The following CLDN16 variants were observed in gnomAD, a reference collection of about 807,000 sequenced individuals.
CLDN16 encodes the protein claudin 16.
In CLDN16, 13 loss-of-function variants were observed where a neutral mutation model predicts 24.6. The observed-to-expected ratio is 0.53, with a 90% confidence interval of 0.34 to 0.84. The LOEUF is 0.84. Among genes scored for constraint, CLDN16 ranks in the 40% least tolerant of loss-of-function variants. The pLI is 0.01. For missense variants in CLDN16, 298 were observed against 292.7 expected (o/e 1.02, Z -0.13); for synonymous variants, 116 against 106.7 (o/e 1.09, Z -0.54).
Position 190,411,834 on chromosome 3 carries a change from T to G in CLDN16, c.*1798T>G, listed in dbSNP as rs1719293776. ...TTTGCAAATCATACTCATTAGTTAT[T>G]TGATCATTGTTCTATGCATTTTAAA... On this transcript the variant is annotated 3_prime_UTR_variant, in exon 5 of 5. Transcript: ENST00000264734. 1 of 152,176 alleles carries G rather than the reference T, an allele frequency of 6.6e-6. No homozygotes were observed. Among genetic ancestry groups the G allele is most frequent in the Admixed American group, 6.5e-5 (1 of 15,284 alleles). 9.4% of individuals were successfully genotyped at this position (152,176 alleles called of 1,614,324 possible).
chr3:190,395,214 TCTA>T (rs1229080151), intron 1 of CLDN16, among the ~76,000 whole-genome samples: 1 of 152,104 alleles, frequency 6.6e-6, no homozygotes, highest in Non-Finnish European at 1.5e-5. Context: ...ATTTTATTTT[TCTA>T]CTAAGTTGGC....
At chr3:190,345,882 T>C (rs539231306) in intron 1 of CLDN16, among the ~76,000 whole-genome samples, 1 of 152,300 alleles carries the variant, frequency 6.6e-6, no homozygotes, top group South Asian at 2.1e-4. Flanking sequence ...GATTACATTG[T>C]ATTGAAATAA....
At chr3:190,388,752 C>T (rs1479309833) in intron 1 of CLDN16, among the ~76,000 whole-genome samples, 1 of 152,132 alleles carries the variant, frequency 6.6e-6, no homozygotes, top group African/African-American at 2.4e-5. Flanking sequence ...TCACGTCTTC[C>T]ATTGCTGCAT....
At chr3:190,379,913 T>C (rs896962651) in intron 3 of CLDN16, among the ~76,000 whole-genome samples, 1 of 152,080 alleles carries the variant, frequency 6.6e-6, no homozygotes, top group Non-Finnish European at 1.5e-5. Context: ...CTATAACATT[T>C]TGTGGAAACA....
At chr3:190,312,158 C>T in the CLDN16 span, among the ~76,000 whole-genome samples, 8,898 of 151,828 alleles carry the variant, frequency 0.059, 331 homozygotes, top group Middle Eastern at 0.092. Context: ...CTTGAACTCA[C>T]GACCTCAGGT....
At chr3:190,363,554 G>GCATA (rs10663299) in intron 1 of CLDN16, among the ~76,000 whole-genome samples, 16,818 of 80,712 alleles carry the variant, frequency 0.21, 3,611 homozygotes, top group South Asian at 0.24. Context: ...GTGTGTGTGT[G>GCATA]TGTATATATA....
At chr3:190,394,179 G>A (rs1374395399) in intron 1 of CLDN16, among the ~76,000 whole-genome samples, 3 of 152,132 alleles carry the variant, frequency 2.0e-5, no homozygotes, top group Non-Finnish European at 2.9e-5. Context: ...TGAGATAATA[G>A]CATTGTTAAT....
At chr3:190,340,696 C>CAACATCTTAACTCATTTCAGCATT (rs1717408189) in intron 1 of CLDN16, among the ~76,000 whole-genome samples, 1 of 152,130 alleles carries the variant, frequency 6.6e-6, no homozygotes. Flanking sequence ...AACAGTCCCC[C>CAACATCTTAACTCATTTCAGCATT]AACATCTTAA....
At chr3:190,309,689 A>C in the CLDN16 span, among the ~76,000 whole-genome samples, 1 of 152,238 alleles carries the variant, frequency 6.6e-6, no homozygotes, top group Non-Finnish European at 1.5e-5. Flanking sequence ...GTATCTGAAC[A>C]TACTAAAAAC....
the CLDN16 span, chr3:190,307,634 A>C: frequency 1.3e-5 from 2 of 152,228 alleles, no homozygotes; most frequent in Non-Finnish European, 2.9e-5. Flanking sequence ...CCAATGAAAC[A>C]CAAAACAAAT....
chr3:190,382,658 G>T (rs958769267), intron 3 of CLDN16, among the ~76,000 whole-genome samples: 2 of 152,086 alleles, frequency 1.3e-5, no homozygotes, highest in African/African-American at 4.8e-5. Flanking sequence ...GCTTCTCTGT[G>T]CTTTTACAAT....
At chr3:190,337,361 TAAG>T (rs1196138112) in intron 1 of CLDN16, among the ~76,000 whole-genome samples, 1 of 152,132 alleles carries the variant, frequency 6.6e-6, no homozygotes, top group Non-Finnish European at 1.5e-5. Flanking sequence ...GGGCAGAAAC[TAAG>T]AAGAACTCAC....
At chr3:190,409,766 C>T in intron 4 of CLDN16, 137 bp from the exon 5 acceptor site, 1 of 793,008 alleles carries the variant, frequency 1.3e-6, no homozygotes, top group Non-Finnish European at 2.0e-6. Flanking sequence ...TTCTAGGATT[C>T]TTCTTAGAGT....
chr3:190,298,157 G>A, the CLDN16 span, among the ~76,000 whole-genome samples: 1 of 152,018 alleles, frequency 6.6e-6, no homozygotes, highest in Non-Finnish European at 1.5e-5. Context: ...AAGTCTTAAA[G>A]CATAATAGTT....
intron 1 of CLDN16, among the ~76,000 whole-genome samples, chr3:190,334,606 C>T (rs1484291654): frequency 6.6e-6 from 1 of 152,184 alleles, no homozygotes; most frequent in East Asian, 1.9e-4. Context: ...TGGCTTTGGC[C>T]AAAGAGAAGC....
chr3:190,308,530 AT>A, the CLDN16 span: 1 of 1,217,528 alleles, frequency 8.2e-7, no homozygotes, highest in Non-Finnish European at 1.2e-6. Context: ...TACTCATTGT[AT>A]TTTTTTCATT....
At chr3:190,336,879 T>C (rs574996703) in intron 1 of CLDN16, among the ~76,000 whole-genome samples, 2 of 152,310 alleles carry the variant, frequency 1.3e-5, no homozygotes, top group South Asian at 2.1e-4. Flanking sequence ...ATTTATAAAA[T>C]AGAAGTGTTA....
chr3:190,338,449 G>A lies in CLDN16; in HGVS notation n.121+15788G>A, dbSNP rs577196126. Among the ~76,000 whole-genome samples, 365 of 152,134 alleles carry A rather than the reference G, an allele frequency of 2.4e-3. 3 individuals carry two copies. Among genetic ancestry groups the A allele is most frequent in the African/African-American group, 8.4e-3 (351 of 41,544 alleles). ...ATGGAGAAATACTTTTCATACCTACGTGAACTGCAGGTTATCTCTTGGTAC... is the reference window on the plus strand; with the variant it reads ...ATGGAGAAATACTTTTCATACCTACATGAACTGCAGGTTATCTCTTGGTAC... On this transcript the variant is annotated intron_variant and non_coding_transcript_variant, in intron 1 of 4. Coordinates refer to the CLDN16 transcript ENST00000468220.
intron 1 of CLDN16, among the ~76,000 whole-genome samples, chr3:190,344,113 G>A (rs114618152): frequency 0.047 from 7,179 of 151,856 alleles, 569 homozygotes; most frequent in African/African-American, 0.16. Flanking sequence ...TTAATGAAAT[G>A]AAATATAAAA....
Sources: allele counts gnomAD v4.1 joint callset (sites outside exome capture counted in the v4.1 genomes callset), GRCh38; gene constraint gnomAD v4.1.1; transcripts MANE v1.5; gene names NCBI Gene and HGNC (gene_info 2026-07-23, HGNC 2026-07-21).